RFTN2: variants seen among roughly 807,000 people sequenced by gnomAD.
RFTN2 encodes raftlin-2.
A neutral mutation model predicts 52.7 loss-of-function variants in RFTN2; 34 were observed. That is an observed-to-expected ratio of 0.64 (90% confidence interval 0.49 to 0.86). RFTN2 has a LOEUF of 0.86. RFTN2 is among the 40% of genes least tolerant of loss of function. RFTN2 has a pLI of 0.00. For missense variants in RFTN2, 536 were observed against 600.1 expected (o/e 0.89, Z 1.12); for synonymous variants, 203 against 217.7 (o/e 0.93, Z 0.59).
intron 1 of RFTN2, among the ~76,000 whole-genome samples, chr2:197,668,125 T>C (rs927151644): frequency 6.6e-6 from 1 of 152,098 alleles, no homozygotes; most frequent in African/African-American, 2.4e-5. Flanking sequence ...TGCATGCAGA[T>C]AGGTGCCAGC....
chr2:197,633,893 T>C lies in RFTN2; in HGVS notation c.543A>G (p.Glu181=), dbSNP rs1253583978. 5 of 1,613,812 alleles carry C rather than the reference T, an allele frequency of 3.1e-6. No homozygotes were observed. Among genetic ancestry groups the C allele is most frequent in the Non-Finnish European group, 4.2e-6 (5 of 1,179,856 alleles). Residue 181 remains glutamate (E), a synonymous_variant, in exon 4 of 9, where the codon GAA becomes GAG. Transcript: ENST00000295049. ...AACCGTGTCTCACATGTAGCATCGA[T>C]TCTATATCTCCATCATGGTTGGTTC... The part of the protein sequence containing the change: ...CNGTNHDGDI[E]SMLHVRHGSD...
At chr2:197,671,991 A>G (rs1238667233) in intron 1 of RFTN2, among the ~76,000 whole-genome samples, 2 of 152,226 alleles carry the variant, frequency 1.3e-5, no homozygotes, top group Admixed American at 6.5e-5. Context: ...TCATATACAT[A>G]CATCATATGC....
At chr2:197,659,911 T>TA (rs1421023931) in intron 1 of RFTN2, among the ~76,000 whole-genome samples, 1 of 152,200 alleles carries the variant, frequency 6.6e-6, no homozygotes, top group East Asian at 1.9e-4. Flanking sequence ...GCAATTATAG[T>TA]AAAAAATAAG....
chr2:197,645,170 C>T (rs749914796), intron 2 of RFTN2, among the ~76,000 whole-genome samples: 6 of 152,192 alleles, frequency 3.9e-5, no homozygotes, highest in East Asian at 1.9e-4. Context: ...GCGGTGGTCC[C>T]GTAAGATTAT....
chr2:197,640,984 GGTGCTCTA>G (rs1244458950), intron 3 of RFTN2, among the ~76,000 whole-genome samples: 3 of 152,120 alleles, frequency 2.0e-5, no homozygotes, highest in Non-Finnish European at 1.5e-5. Flanking sequence ...TCTACTCATA[GGTGCTCTA>G]TAAGTACTTG....
intron 7 of RFTN2, among the ~76,000 whole-genome samples, chr2:197,604,812 G>C (rs2087933602): frequency 6.6e-6 from 1 of 152,040 alleles, no homozygotes; most frequent in Non-Finnish European, 1.5e-5. Context: ...CCAGGCTGGA[G>C]TGCAGTGGTG....
chr2:197,616,902 T>C lies in RFTN2; in HGVS notation c.1050+898A>G, dbSNP rs1384809713. On this transcript the variant is annotated intron_variant, in intron 6 of 8. Coordinates refer to ENST00000295049, the MANE Select transcript of RFTN2 (RefSeq NM_144629.3). Reference sequence around the variant, plus strand: ...GTGTAAGGTCAGAAAGGTAAAAGTATCCCTGAAACAGCCTGTCAGGGAGGG... The same window carrying C: ...GTGTAAGGTCAGAAAGGTAAAAGTACCCCTGAAACAGCCTGTCAGGGAGGG... Among the ~76,000 whole-genome samples the C allele has an allele frequency of 2.6e-5, 4 of 152,180 alleles. No individual in the cohort carries two copies. In the East Asian group the frequency reaches 7.7e-4, roughly 29 times the overall value.
intron 1 of RFTN2, among the ~76,000 whole-genome samples, chr2:197,649,796 C>T (rs771773889): frequency 1.3e-5 from 2 of 152,246 alleles, no homozygotes; most frequent in East Asian, 1.9e-4. Context: ...TAGTGAAGAA[C>T]GGCAGAAGCC....
intron 8 of RFTN2, among the ~76,000 whole-genome samples, chr2:197,583,517 C>T (rs1299799702): frequency 6.6e-6 from 1 of 152,130 alleles, no homozygotes; most frequent in Admixed American, 6.5e-5. Flanking sequence ...AACCTTCATA[C>T]CCTTTACCAT....
At chr2:197,605,590 C>T (rs2087949356) in intron 7 of RFTN2, among the ~76,000 whole-genome samples, 1 of 152,184 alleles carries the variant, frequency 6.6e-6, no homozygotes, top group Admixed American at 6.6e-5. Flanking sequence ...ATATATCCTG[C>T]ACTTTTCTGA....
At chr2:197,637,482 T>C (rs959636089) in intron 3 of RFTN2, among the ~76,000 whole-genome samples, 10 of 152,200 alleles carry the variant, frequency 6.6e-5, no homozygotes, top group Admixed American at 5.9e-4. Flanking sequence ...AGTGTATGTG[T>C]TGAGGAATTT....
chr2:197,641,273 G>T (rs1178714129), intron 3 of RFTN2, among the ~76,000 whole-genome samples: 1 of 152,238 alleles, frequency 6.6e-6, no homozygotes. Flanking sequence ...AGAGCGGGGA[G>T]AGAGTGTGGG....
chr2:197,666,197 G>T lies in RFTN2; in HGVS notation c.139+9123C>A, dbSNP rs542749231. On this transcript the variant is annotated intron_variant, in intron 1 of 8. Coordinates refer to ENST00000295049, the MANE Select transcript of RFTN2 (RefSeq NM_144629.3). The stretch of plus-strand genomic sequence containing the variant: ...CCTCCCAGCTTCAAGCGTTTCTCTT[G>T]CCTCAGCCTCCTGAGTAGTGGGGAC... 6.3e-4 allele frequency among the ~76,000 whole-genome samples: 95 copies of T among 151,912 alleles called. No individual in the cohort carries two copies. The Middle Eastern group carries it at 0.01, about 16-fold the overall frequency.
chr2:197,671,478 C>T (rs1250098162), intron 1 of RFTN2, among the ~76,000 whole-genome samples: 1 of 152,228 alleles, frequency 6.6e-6, no homozygotes, highest in African/African-American at 2.4e-5. Context: ...TTGACCATCA[C>T]TCATATTCCA....
In RFTN2 at chr2:197,628,445, C is replaced by A. The variant is rs1209056889; in HGVS notation, c.928+2566G>T. On this transcript the variant is annotated intron_variant, in intron 5 of 8. Coordinates refer to ENST00000295049, the MANE Select transcript of RFTN2 (RefSeq NM_144629.3). ...TTTAAGAACAAAAGCCACACAGAGC[C>A]TGGCTGGCAACTGCTGTGGCTAATT... Among the ~76,000 whole-genome samples, 5 of 152,200 alleles carry A rather than the reference C, an allele frequency of 3.3e-5. No individual in the cohort carries two copies. The East Asian group carries it at 9.6e-4, about 29-fold the overall frequency.
intron 7 of RFTN2, among the ~76,000 whole-genome samples, chr2:197,611,003 G>T (rs182062911): frequency 3.3e-4 from 51 of 152,336 alleles, no homozygotes; most frequent in African/African-American, 1.1e-3. Context: ...TGTGCTGCTG[G>T]ATTCGGTTTG....
chr2:197,674,006 A>G (rs1188578857), intron 1 of RFTN2, among the ~76,000 whole-genome samples: 1 of 152,246 alleles, frequency 6.6e-6, no homozygotes, highest in Non-Finnish European at 1.5e-5. Flanking sequence ...ACATAGCACC[A>G]CATTACAAAT....
intron 4 of RFTN2, among the ~76,000 whole-genome samples, chr2:197,632,748 G>A (rs1021417097): frequency 3.3e-5 from 5 of 152,164 alleles, no homozygotes; most frequent in African/African-American, 2.4e-5. Context: ...ATTTCTTCAG[G>A]AGGTGGAGCT....
At chr2:197,622,268 T>C (rs924916133) in intron 5 of RFTN2, among the ~76,000 whole-genome samples, 1 of 152,190 alleles carries the variant, frequency 6.6e-6, no homozygotes. Context: ...AGAGAATAGA[T>C]AAAGGTGGCT....
Sources: allele counts gnomAD v4.1 joint callset (sites outside exome capture counted in the v4.1 genomes callset), GRCh38; gene constraint gnomAD v4.1.1; transcripts MANE v1.5; gene names NCBI Gene and HGNC (gene_info 2026-07-23, HGNC 2026-07-21).